The following B3GLCT variants were observed in gnomAD, a reference collection of about 807,000 sequenced individuals.
B3GLCT encodes the protein beta 3-glucosyltransferase, also known as beta-1,3-glucosyltransferase.
B3GLCT carries 65 observed loss-of-function variants against 63.4 expected under a neutral mutation model. The ratio of observed to expected loss-of-function variants is 1.03; its 90% confidence interval spans 0.84 to 1.26. B3GLCT has a LOEUF of 1.26. Among genes scored for constraint, B3GLCT ranks in the 50% most tolerant of loss-of-function variants. The probability of loss-of-function intolerance (pLI) is 0.00; values close to 1 mark genes in which losing one functional copy is unlikely to be tolerated. For missense variants in B3GLCT, 577 were observed against 604.8 expected (o/e 0.95, Z 0.48); for synonymous variants, 233 against 219.2 (o/e 1.06, Z -0.55).
intron 4 of B3GLCT, among the ~76,000 whole-genome samples, chr13:31,232,649 G>C (rs1641015399): frequency 6.6e-6 from 1 of 152,182 alleles, no homozygotes; most frequent in East Asian, 1.9e-4. Context: ...CTGTGGCTTT[G>C]TATATTGTAG....
intron 7 of B3GLCT, among the ~76,000 whole-genome samples, chr13:31,263,485 C>T (rs1364584287): frequency 1.3e-5 from 2 of 152,150 alleles, no homozygotes; most frequent in African/African-American, 2.4e-5. Context: ...AACCTCTGTC[C>T]TCTGCTTCAC....
intron 13 of B3GLCT, among the ~76,000 whole-genome samples, chr13:31,319,072 G>A (rs1875199389): frequency 6.6e-6 from 1 of 152,078 alleles, no homozygotes; most frequent in Non-Finnish European, 1.5e-5. Flanking sequence ...CCAGGCACAG[G>A]GAATGCACAG....
At chr13:31,215,008 G>A (rs1174519110) in intron 1 of B3GLCT, 43 bp from the exon 2 acceptor site, 1 of 1,540,436 alleles carries the variant, frequency 6.5e-7, no homozygotes, top group Non-Finnish European at 8.9e-7. Flanking sequence ...AACCTGAATT[G>A]CTAATTCTAA....
rs183739595 is a variant in B3GLCT at position 31,246,065 on chromosome 13, T to G, written c.271-958T>G. Among the ~76,000 whole-genome samples the G allele has an allele frequency of 1.3e-4, 20 of 152,322 alleles. No individual in the cohort carries two copies. In the East Asian group the frequency reaches 3.3e-3, roughly 25 times the overall value. The stretch of plus-strand genomic sequence containing the variant: ...CTATTCTCTTCTTAAATAATAAATA[T>G]CTATGAACTTTAAGACAGCTGTGAA... On this transcript the variant is annotated intron_variant, in intron 4 of 14. Coordinates refer to ENST00000343307, the MANE Select transcript of B3GLCT (RefSeq NM_194318.4).
chr13:31,255,542 C>A (rs1871695420), intron 6 of B3GLCT, among the ~76,000 whole-genome samples: 1 of 152,180 alleles, frequency 6.6e-6, no homozygotes, highest in Non-Finnish European at 1.5e-5. Context: ...TGCTACCTGA[C>A]TTCAAACTAT....
At chr13:31,256,371 G>A (rs981085423) in intron 6 of B3GLCT, among the ~76,000 whole-genome samples, 11 of 152,158 alleles carry the variant, frequency 7.2e-5, no homozygotes, top group Non-Finnish European at 1.5e-4. Flanking sequence ...ACAGTGTGGC[G>A]ATTCCTCAAG....
intron 2 of B3GLCT, among the ~76,000 whole-genome samples, chr13:31,221,409 G>A (rs9599263): frequency 0.09 from 13,720 of 152,164 alleles, 1,585 homozygotes; most frequent in East Asian, 0.46. Flanking sequence ...GCTGACTTAC[G>A]GTGATAACCT....
At chr13:31,269,172 C>A (rs765322902) in intron 7 of B3GLCT, 42 bp from the exon 8 acceptor site, 27 of 1,377,780 alleles carry the variant, frequency 2.0e-5, no homozygotes, top group Middle Eastern at 1.8e-4. Flanking sequence ...TTGCTTGACA[C>A]TTCTTTTGGT....
At chr13:31,328,692 CAAAAAAAAAAAAAA>C (rs34729471) in intron 14 of B3GLCT, among the ~76,000 whole-genome samples, 1 of 45,432 alleles carries the variant, frequency 2.2e-5, no homozygotes, top group Non-Finnish European at 3.6e-5. Flanking sequence ...AACTCCATCT[CAAAAAAAAAAAAAA>C]AAAAAAAAAA....
chr13:31,300,259 A>G (rs1874157974), intron 12 of B3GLCT, among the ~76,000 whole-genome samples: 2 of 152,070 alleles, frequency 1.3e-5, no homozygotes, highest in Admixed American at 6.5e-5. Context: ...AGGTAGCACG[A>G]TCATGTATAA....
intron 9 of B3GLCT, among the ~76,000 whole-genome samples, chr13:31,275,631 G>A (rs995267783): frequency 2.0e-5 from 3 of 152,110 alleles, no homozygotes; most frequent in African/African-American, 4.8e-5. Context: ...CCAAGGTCCA[G>A]CCCCAGTATG....
intron 1 of B3GLCT, among the ~76,000 whole-genome samples, chr13:31,213,605 A>G (rs1237548942): frequency 4.1e-5 from 3 of 73,344 alleles, no homozygotes; most frequent in Non-Finnish European, 8.1e-5. Flanking sequence ...AAAACAAAAC[A>G]ACACCCCCCC....
At chr13:31,204,250 A>G (rs910228240) in intron 1 of B3GLCT, among the ~76,000 whole-genome samples, 1 of 152,138 alleles carries the variant, frequency 6.6e-6, no homozygotes, top group African/African-American at 2.4e-5. Flanking sequence ...CTGTCTGGAT[A>G]CTTTTTGGTT....
At chr13:31,293,301 T>C (rs532768451) in intron 12 of B3GLCT, among the ~76,000 whole-genome samples, 52 of 152,312 alleles carry the variant, frequency 3.4e-4, no homozygotes, top group African/African-American at 1.2e-3. Context: ...GAGAGTTCTG[T>C]AGATGTCTAT....
chr13:31,266,076 G>C (rs931482181), intron 7 of B3GLCT, among the ~76,000 whole-genome samples: 2 of 151,814 alleles, frequency 1.3e-5, no homozygotes, highest in Non-Finnish European at 2.9e-5. Flanking sequence ...CTCGCTCACT[G>C]CAAGTTCCAC....
chr13:31,262,030 T>C (rs1335987234), intron 7 of B3GLCT, among the ~76,000 whole-genome samples: 1 of 152,184 alleles, frequency 6.6e-6, no homozygotes, highest in Non-Finnish European at 1.5e-5. Context: ...TTATGTACAA[T>C]TATTTTTGGG....
At chr13:31,318,283 A>G (rs1875157184) in intron 13 of B3GLCT, among the ~76,000 whole-genome samples, 1 of 152,162 alleles carries the variant, frequency 6.6e-6, no homozygotes, top group Admixed American at 6.5e-5. Flanking sequence ...AAATCTTATC[A>G]ACGGTAGTCA....
intron 6 of B3GLCT, 72 bp from the exon 7 acceptor site, chr13:31,260,874 T>G: frequency 1.4e-6 from 2 of 1,400,614 alleles, no homozygotes; most frequent in Admixed American, 3.4e-5. Context: ...CTGAAACCAA[T>G]AGTACCACCT....
intron 2 of B3GLCT, among the ~76,000 whole-genome samples, chr13:31,222,601 G>GT (rs746437876): frequency 9.3e-4 from 141 of 152,308 alleles, no homozygotes; most frequent in African/African-American, 2.9e-3. Flanking sequence ...ATGCTTTATG[G>GT]TTTACAGGGC....
Sources: allele counts gnomAD v4.1 joint callset (sites outside exome capture counted in the v4.1 genomes callset), GRCh38; gene constraint gnomAD v4.1.1; transcripts MANE v1.5; gene names NCBI Gene and HGNC (gene_info 2026-07-23, HGNC 2026-07-21).